The following GBE1 variants were observed in gnomAD, a reference collection of about 807,000 sequenced individuals.
GBE1 encodes the protein 1,4-alpha-glucan-branching enzyme.
In GBE1, 70 loss-of-function variants were observed where a neutral mutation model predicts 88.8. The ratio of observed to expected loss-of-function variants is 0.79; its 90% CI spans 0.65 to 0.96. The LOEUF (loss-of-function observed/expected upper bound fraction) is 0.96. Ranked by LOEUF, GBE1 falls within the 40% of genes least tolerant of loss-of-function variation. The pLI is 0.00. For synonymous variants in GBE1, 284 were observed against 300.1 expected, an observed-to-expected ratio of 0.95 and a Z score of 0.56; for missense variants, 872 against 871.0, an observed-to-expected ratio of 1.00 and a Z score of -0.01.
intron 2 of GBE1, among the ~76,000 whole-genome samples, chr3:81,687,726 G>C (rs1705460551): frequency 6.6e-6 from 1 of 152,138 alleles, no homozygotes; most frequent in Non-Finnish European, 1.5e-5. Flanking sequence ...GAAAAAATTA[G>C]ACTTTACAGA....
At chr3:81,543,739 A>G (rs1029883662) in intron 12 of GBE1, among the ~76,000 whole-genome samples, 56 of 152,152 alleles carry the variant, frequency 3.7e-4, no homozygotes, top group African/African-American at 1.3e-3. Context: ...GCTACTGTGT[A>G]TAAAAATGGA....
intron 12 of GBE1, among the ~76,000 whole-genome samples, chr3:81,543,543 T>C (rs1023985766): frequency 6.6e-6 from 1 of 152,136 alleles, no homozygotes; most frequent in Admixed American, 6.6e-5. Flanking sequence ...AAAATGCCTG[T>C]TAGTATCTTC....
chr3:81,644,211 GGAGAC>G lies in GBE1; in HGVS notation c.783-1226_783-1222del, dbSNP rs563205663. ...TCATATGGAATTTACATTCCCATTG[GGAGAC>G]AACAAACAAGCAAAATACATAGAAT... On this transcript the variant is annotated intron_variant, in intron 6 of 15. Coordinates refer to ENST00000429644, the MANE Select transcript of GBE1 (RefSeq NM_000158.4). Among the ~76,000 whole-genome samples the G allele has an allele frequency of 1.7e-4, 26 of 152,052 alleles. No homozygotes were observed. The East Asian group carries it at 5.0e-3, about 29-fold the overall frequency.
chr3:81,716,588 C>T (rs1576211117), intron 1 of GBE1, among the ~76,000 whole-genome samples: 1 of 152,046 alleles, frequency 6.6e-6, no homozygotes, highest in South Asian at 2.1e-4. Context: ...CCTTAAAACT[C>T]CATTTCTTTT....
intron 7 of GBE1, among the ~76,000 whole-genome samples, chr3:81,601,541 T>C (rs561078808): frequency 2.0e-5 from 3 of 152,278 alleles, no homozygotes; most frequent in South Asian, 2.1e-4. Flanking sequence ...CAACGTAAAA[T>C]GGAAGATAAT....
At chr3:81,551,296 C>T (rs745461884) in intron 12 of GBE1, among the ~76,000 whole-genome samples, 1 of 152,112 alleles carries the variant, frequency 6.6e-6, no homozygotes, top group African/African-American at 2.4e-5. Flanking sequence ...TTTACACAAC[C>T]ATAAAAATAT....
chr3:81,639,358 A>AT (rs1704637516), intron 7 of GBE1, among the ~76,000 whole-genome samples: 1 of 151,888 alleles, frequency 6.6e-6, no homozygotes, highest in Non-Finnish European at 1.5e-5. Context: ...TTTAAAAAAA[A>AT]TGGCTATTTC....
intron 12 of GBE1, among the ~76,000 whole-genome samples, chr3:81,560,564 A>G (rs1474581583): frequency 6.6e-6 from 1 of 151,956 alleles, no homozygotes; most frequent in Admixed American, 6.6e-5. Flanking sequence ...AAAGGTATGA[A>G]TTACCTAGGT....
At chr3:81,605,684 T>C (rs747705897) in intron 7 of GBE1, among the ~76,000 whole-genome samples, 2 of 152,064 alleles carry the variant, frequency 1.3e-5, no homozygotes, top group Non-Finnish European at 2.9e-5. Context: ...ATAATAGAGA[T>C]TGGCACACTT....
intron 1 of GBE1, among the ~76,000 whole-genome samples, chr3:81,717,602 G>A (rs763619199): frequency 6.6e-6 from 1 of 152,078 alleles, no homozygotes; most frequent in Non-Finnish European, 1.5e-5. Flanking sequence ...TTAAAGAATC[G>A]AAAGGTCCAC....
intron 12 of GBE1, among the ~76,000 whole-genome samples, chr3:81,546,205 C>G (rs1703202579): frequency 1.3e-5 from 2 of 151,614 alleles, no homozygotes; most frequent in African/African-American, 4.8e-5. Context: ...TACATGCACA[C>G]ACACACACAA....
At chr3:81,684,293 A>T (rs954572795) in intron 2 of GBE1, among the ~76,000 whole-genome samples, 2 of 152,262 alleles carry the variant, frequency 1.3e-5, no homozygotes, top group African/African-American at 4.8e-5. Context: ...TCTACTGGGT[A>T]GAAATGTGGA....
At chr3:81,602,599 C>A (rs914179003) in intron 7 of GBE1, among the ~76,000 whole-genome samples, 2 of 151,770 alleles carry the variant, frequency 1.3e-5, no homozygotes, top group Non-Finnish European at 2.9e-5. Context: ...TTTCTAAGAG[C>A]GCTAATCCCA....
Position 81,665,194 on chromosome 3 carries a change from A to G in GBE1, c.429+5644T>C, listed in dbSNP as rs551871138. ...GCTGATTAAATAAGTTCTTTAAGTA[A>G]TTTATGAAAATTAAACAAATGAAAA... On this transcript the variant is annotated intron_variant, in intron 3 of 15. Transcript: ENST00000429644. 1.3e-3 allele frequency among the ~76,000 whole-genome samples: 192 copies of G among 152,268 alleles called. 1 individual carries two copies. Among genetic ancestry groups the G allele is most frequent in the African/African-American group, 4.4e-3 (183 of 41,562 alleles).
chr3:81,504,624 G>A (rs1702630808), intron 14 of GBE1, among the ~76,000 whole-genome samples: 1 of 151,976 alleles, frequency 6.6e-6, no homozygotes, highest in Non-Finnish European at 1.5e-5. Context: ...TCTATCAACA[G>A]GTTGAAGTAG....
At chr3:81,646,349 T>C (rs2107065740) in intron 6 of GBE1, 43 bp downstream of exon 6, 1 of 1,211,552 alleles carries the variant, frequency 8.3e-7, no homozygotes, top group Non-Finnish European at 1.2e-6. Context: ...CTTTAAATTA[T>C]TGGCTCAAAA....
At chr3:81,746,407 T>G (rs1428308240) in intron 1 of GBE1, among the ~76,000 whole-genome samples, 3 of 151,852 alleles carry the variant, frequency 2.0e-5, no homozygotes, top group African/African-American at 7.3e-5. Flanking sequence ...GGACTACAGG[T>G]GCTCGCCACC....
At chr3:81,740,789 C>CACACACA (rs1462923824) in intron 1 of GBE1, among the ~76,000 whole-genome samples, 3 of 151,908 alleles carry the variant, frequency 2.0e-5, no homozygotes, top group African/African-American at 7.3e-5. Flanking sequence ...CACACACACA[C>CACACACA]AATTTATTTA....
chr3:81,653,814 T>C lies in GBE1; in HGVS notation c.430-3893A>G, dbSNP rs190701302. ...ATAAAAATATCAATATGGTTACCTATGGGTAAGGGGATTGTTAGTAGTTTT... is the reference window on the plus strand; with the variant it reads ...ATAAAAATATCAATATGGTTACCTACGGGTAAGGGGATTGTTAGTAGTTTT... On this transcript the variant is annotated intron_variant, in intron 3 of 15. Coordinates refer to ENST00000429644, the MANE Select transcript of GBE1 (RefSeq NM_000158.4). Among the ~76,000 whole-genome samples the C allele has an allele frequency of 4.8e-3, 722 of 151,878 alleles. 5 individuals carry two copies. Among genetic ancestry groups the C allele is most frequent in the Non-Finnish European group, 8.2e-3 (555 of 67,794 alleles).
Sources: gnomAD v4.1 joint callset for allele counts (sites outside exome capture counted in the v4.1 genomes callset) on GRCh38, gnomAD v4.1.1 for gene constraint, MANE v1.5 for transcripts, NCBI Gene and HGNC (gene_info 2026-07-23, HGNC 2026-07-21) for gene names.